Variants in SYT1 observed in about 807,000 individuals in gnomAD.
The protein encoded by SYT1 is synaptotagmin-1.
SYT1 carries 8 observed loss-of-function variants against 44.8 expected under a neutral mutation model. That is an observed-to-expected ratio of 0.18 (90% CI 0.10 to 0.32). The LOEUF (loss-of-function observed/expected upper bound fraction) is 0.32, where lower values mean the gene tolerates loss of function less well. SYT1 is among the 10% of genes least tolerant of loss of function. SYT1 has a pLI of 1.00. For synonymous variants in SYT1, 154 were observed against 188.8 expected, an observed-to-expected ratio of 0.82 and a Z score of 1.51; for missense variants, 286 against 509.3, an observed-to-expected ratio of 0.56 and a Z score of 4.22.
chr12:79,347,281 A>T lies in SYT1; in HGVS notation c.811-6221A>T, dbSNP rs1882653037. On this transcript the variant is annotated intron_variant, in intron 8 of 10. Transcript: ENST00000261205. Reference sequence around the variant, plus strand: ...CAGGAGTGTTGATGGCTTATAGCTCATAACTGAGTTCCCCCTTCCTGGCAT... The same window carrying T: ...CAGGAGTGTTGATGGCTTATAGCTCTTAACTGAGTTCCCCCTTCCTGGCAT... Among the ~76,000 whole-genome samples the T allele has an allele frequency of 1.3e-5, 2 of 152,128 alleles. 1 individual carries two copies. Among genetic ancestry groups the T allele is most frequent in the Non-Finnish European group, 2.9e-5 (2 of 68,022 alleles).
chr12:79,299,112 G>A (rs1430578043), intron 7 of SYT1, among the ~76,000 whole-genome samples: 1 of 152,022 alleles, frequency 6.6e-6, no homozygotes, highest in Non-Finnish European at 1.5e-5. Context: ...AGGCTTTATA[G>A]TATAACTAAC....
At chr12:79,110,826 AG>A (rs1706731016) in intron 3 of SYT1, among the ~76,000 whole-genome samples, 1 of 152,206 alleles carries the variant, frequency 6.6e-6, no homozygotes, top group Non-Finnish European at 1.5e-5. Flanking sequence ...ACTCTTACCA[AG>A]TACGACCTGC....
chr12:78,901,815 G>T (rs1471728447), intron 1 of SYT1, among the ~76,000 whole-genome samples: 1 of 152,058 alleles, frequency 6.6e-6, no homozygotes, highest in African/African-American at 2.4e-5. Flanking sequence ...AAAATGGAGA[G>T]TACTCTTAAT....
At position 79,217,643 on chromosome 12, in the gene SYT1, A is replaced by G. The variant is rs1482599367; in HGVS notation, c.124A>G (p.Lys42Glu). 6.2e-7 allele frequency: 1 copy of G among 1,613,202 alleles called. No individual in the cohort carries two copies. The highest frequency in any genetic ancestry group is 8.5e-7 in the Non-Finnish European group (1 of 1,179,596). The change falls in exon 4 of 11, where the codon AAG becomes GAG. Residue 42 changes from lysine (K) to glutamate (E), a missense_variant. By Grantham distance (56) the Lys-to-Glu change is moderately conservative. Transcript: ENST00000261205. ...PGEGKEDAFSKLKEKFMNELH... is the reference protein window; with the variant it reads ...PGEGKEDAFSELKEKFMNELH... ...AGAAGGAAAGGAAGATGCATTTTCT[A>G]AGCTGAAGGAGAAGTTTATGAATGA...
chr12:79,024,747 T>A (rs1019210420), intron 2 of SYT1, among the ~76,000 whole-genome samples: 6 of 151,778 alleles, frequency 4.0e-5, no homozygotes, highest in African/African-American at 1.5e-4. Flanking sequence ...GCTGAAATGA[T>A]GTTTTGGTAT....
intron 4 of SYT1, among the ~76,000 whole-genome samples, chr12:79,256,838 C>T (rs777543215): frequency 6.6e-6 from 1 of 152,180 alleles, no homozygotes; most frequent in Non-Finnish European, 1.5e-5. Context: ...AACAATATTA[C>T]AAAATGTACT....
intron 5 of SYT1, 23 bp from the exon 6 acceptor site, chr12:79,291,983 CAT>C (rs1879609725): frequency 6.2e-7 from 1 of 1,612,674 alleles, no homozygotes; most frequent in Middle Eastern, 1.7e-4. Flanking sequence ...CTGAAATTCA[CAT>C]GTGATCCTTT....
intron 1 of SYT1, among the ~76,000 whole-genome samples, chr12:78,917,936 G>C (rs1187355167): frequency 6.6e-6 from 1 of 151,966 alleles, no homozygotes; most frequent in South Asian, 2.1e-4. Context: ...CTTTGGTAAG[G>C]CTTTTAAGTA....
intron 3 of SYT1, among the ~76,000 whole-genome samples, chr12:79,194,944 T>C (rs1873362491): frequency 6.6e-6 from 1 of 152,276 alleles, no homozygotes; most frequent in Non-Finnish European, 1.5e-5. Flanking sequence ...GTAAGATAGA[T>C]CTAAAATTGG....
chr12:79,296,967 A>G (rs1243484202), intron 7 of SYT1, among the ~76,000 whole-genome samples: 1 of 152,202 alleles, frequency 6.6e-6, no homozygotes, highest in Non-Finnish European at 1.5e-5. Flanking sequence ...TTTTTAATGC[A>G]TTACTTAGAA....
At chr12:79,417,082 T>C (rs2136146274) in intron 9 of SYT1, among the ~76,000 whole-genome samples, 1 of 152,320 alleles carries the variant, frequency 6.6e-6, no homozygotes, top group East Asian at 1.9e-4. Context: ...AAAGTGTCTC[T>C]GAAAATTTGA....
At chr12:78,915,316 A>G (rs962398408) in intron 1 of SYT1, among the ~76,000 whole-genome samples, 4 of 152,036 alleles carry the variant, frequency 2.6e-5, no homozygotes, top group Non-Finnish European at 4.4e-5. Flanking sequence ...CAGTGGGTCT[A>G]AGATATAGCC....
chr12:78,930,191 G>T (rs961443560), intron 1 of SYT1, among the ~76,000 whole-genome samples: 2 of 152,120 alleles, frequency 1.3e-5, no homozygotes, highest in African/African-American at 4.8e-5. Flanking sequence ...AAAATCAGTT[G>T]CTGAGGTGAT....
Position 79,304,677 on chromosome 12 carries a change from G to T in SYT1, c.810+5126G>T, listed in dbSNP as rs554460252. On this transcript the variant is annotated intron_variant, in intron 8 of 10. Coordinates refer to ENST00000261205, the MANE Select transcript of SYT1 (RefSeq NM_005639.3). ...TGGTGTAAGTCTCTGCCTACATCAT[G>T]GAAATTGATCCAGAGGAAAATGGGA... Among the ~76,000 whole-genome samples the T allele has an allele frequency of 4.6e-5, 7 of 152,156 alleles. No homozygotes were observed. In the South Asian group the frequency reaches 1.4e-3, roughly 32 times the overall value.
chr12:78,977,618 T>A (rs1420936967), intron 1 of SYT1, 181 bp from the exon 2 acceptor site: 1 of 152,252 alleles, frequency 6.6e-6, no homozygotes, highest in Non-Finnish European at 1.5e-5. Flanking sequence ...TACCTATTGG[T>A]TCTTAGCCTG....
intron 4 of SYT1, among the ~76,000 whole-genome samples, chr12:79,255,279 G>C (rs1419520102): frequency 6.6e-6 from 1 of 152,306 alleles, no homozygotes; most frequent in South Asian, 2.1e-4. Flanking sequence ...CCCTGCACCT[G>C]CAAAAGATTA....
intron 3 of SYT1, among the ~76,000 whole-genome samples, chr12:79,214,933 GTGTGTATA>G (rs1243712351): frequency 6.0e-5 from 6 of 99,228 alleles, no homozygotes; most frequent in African/African-American, 2.6e-4. Context: ...CTGTAATAAT[GTGTGTATA>G]TGTGTGTGTG....
intron 3 of SYT1, among the ~76,000 whole-genome samples, chr12:79,053,053 C>T (rs1874640303): frequency 6.6e-6 from 1 of 152,098 alleles, no homozygotes; most frequent in South Asian, 2.1e-4. Context: ...AAGACATGTG[C>T]ACATGTATGT....
At chr12:79,387,336 T>C (rs2136085114) in intron 9 of SYT1, among the ~76,000 whole-genome samples, 1 of 152,328 alleles carries the variant, frequency 6.6e-6, no homozygotes, top group South Asian at 2.1e-4. Context: ...CTGCCTCTCT[T>C]TTCTACCTTA....
Sources: gnomAD v4.1 joint callset for allele counts (sites outside exome capture counted in the v4.1 genomes callset) on GRCh38, gnomAD v4.1.1 for gene constraint, MANE v1.5 for transcripts, NCBI Gene and HGNC (gene_info 2026-07-23, HGNC 2026-07-21) for gene names.